The following PAK3 variants were observed in gnomAD, a reference collection of about 807,000 sequenced individuals.
The protein encoded by PAK3 is serine/threonine-protein kinase PAK 3.
Under a neutral mutation model 41.0 loss-of-function variants are expected in PAK3, and 4 were observed. That is an observed-to-expected ratio of 0.10 (90% CI 0.05 to 0.22). PAK3 has a LOEUF of 0.22. Among genes scored for constraint, PAK3 ranks in the 10% least tolerant of loss-of-function variants. PAK3 has a pLI of 1.00. For missense variants in PAK3, 205 were observed against 409.9 expected, an observed-to-expected ratio of 0.50 and a Z score of 4.32; for synonymous variants, 146 against 139.6, an observed-to-expected ratio of 1.05 and a Z score of -0.32.
chrX:110,951,495 T>C (rs929829854), intron 1 of PAK3, among the ~76,000 whole-genome samples: 1 of 112,220 alleles, frequency 8.9e-6, no homozygotes, highest in African/African-American at 3.2e-5. Context: ...AATTGCTTTC[T>C]AAAATATTTC....
chrX:111,064,274 T>G (rs1462391653), intron 1 of PAK3, among the ~76,000 whole-genome samples: 1 of 111,920 alleles, frequency 8.9e-6, no homozygotes, highest in African/African-American at 3.2e-5. Flanking sequence ...ATTTATTTAC[T>G]TATTTTTTAT....
At chrX:111,166,445 G>T (rs1603339227) in intron 10 of PAK3, among the ~76,000 whole-genome samples, 1 of 111,015 alleles carries the variant, frequency 9.0e-6, no homozygotes, top group East Asian at 2.9e-4. Context: ...AATTTTAGGT[G>T]TGCGCCACCA....
chrX:111,055,226 C>G (rs6655135), intron 1 of PAK3, among the ~76,000 whole-genome samples: 5,201 of 111,920 alleles, frequency 0.046, 292 homozygotes, highest in African/African-American at 0.16. Flanking sequence ...TCCTGCACAC[C>G]ATGAGGAAGG....
intron 1 of PAK3, among the ~76,000 whole-genome samples, chrX:111,046,991 T>C (rs1300515443): frequency 9.0e-6 from 1 of 111,267 alleles, no homozygotes; most frequent in Non-Finnish European, 1.9e-5. Flanking sequence ...TATAAGGAGG[T>C]GGGAGCTCAG....
intron 17 of PAK3, among the ~76,000 whole-genome samples, chrX:111,218,197 A>G (rs2149402462): frequency 8.9e-6 from 1 of 111,977 alleles, no homozygotes; most frequent in Non-Finnish European, 1.9e-5. Flanking sequence ...ACAGGTCTTC[A>G]ATATTTGTGT....
chrX:110,963,635 G>A (rs992224314), intron 1 of PAK3, among the ~76,000 whole-genome samples: 1 of 112,373 alleles, frequency 8.9e-6, no homozygotes, highest in African/African-American at 3.2e-5. Context: ...TAAAACTGCT[G>A]TTAAGTAAAA....
intron 1 of PAK3, among the ~76,000 whole-genome samples, chrX:111,061,598 T>C (rs1397199639): frequency 8.9e-6 from 1 of 111,890 alleles, no homozygotes; most frequent in African/African-American, 3.2e-5. Context: ...ACATAATGAG[T>C]CTTCCATCCA....
intron 1 of PAK3, among the ~76,000 whole-genome samples, chrX:110,974,014 C>G (rs776058902): frequency 1.1e-3 from 118 of 112,135 alleles, no homozygotes; most frequent in Non-Finnish European, 2.0e-3. Flanking sequence ...GAAGAGCTAA[C>G]TATCCTAAAT....
chrX:110,948,592 C>T (rs2090671744), intron 1 of PAK3, among the ~76,000 whole-genome samples: 1 of 111,724 alleles, frequency 9.0e-6, no homozygotes, highest in East Asian at 2.8e-4. Context: ...ACCTTTTTTT[C>T]TTTACAAACT....
chrX:111,210,581 A>G (rs896382217), intron 16 of PAK3, among the ~76,000 whole-genome samples: 8 of 112,001 alleles, frequency 7.1e-5, no homozygotes, highest in African/African-American at 2.6e-4. Flanking sequence ...ATACTTATGT[A>G]TATAAGTCTG....
At chrX:110,952,257 G>A (rs975168219) in intron 1 of PAK3, among the ~76,000 whole-genome samples, 2 of 111,898 alleles carry the variant, frequency 1.8e-5, no homozygotes, top group Non-Finnish European at 3.8e-5. Flanking sequence ...GGAAGTCTGA[G>A]TGGTAGTTTA....
Position 111,056,514 on chromosome X carries a change from C to T in PAK3, c.-27-66563C>T, listed in dbSNP as rs1569290838. On this transcript the variant is annotated intron_variant, in intron 1 of 14. Coordinates refer to the PAK3 transcript ENST00000425146. ...GAACCCATTTCTGCCCAATTCTCTCCTTTTATCACATTCCTTAAGACCTTT... is the reference window on the plus strand; with the variant it reads ...GAACCCATTTCTGCCCAATTCTCTCTTTTTATCACATTCCTTAAGACCTTT... 2.7e-5 allele frequency among the ~76,000 whole-genome samples: 3 copies of T among 112,051 alleles called. No homozygotes were observed. In the Admixed American group the frequency reaches 2.8e-4, roughly 11 times the overall value.
intron 1 of PAK3, among the ~76,000 whole-genome samples, chrX:111,036,754 C>T (rs1375756336): frequency 9.0e-6 from 1 of 111,466 alleles, no homozygotes; most frequent in Non-Finnish European, 1.9e-5. Context: ...TCCTTGCCAT[C>T]ATTTAGTCCC....
chrX:111,025,777 TC>T (rs1364152153), intron 1 of PAK3, among the ~76,000 whole-genome samples: 2 of 107,191 alleles, frequency 1.9e-5, no homozygotes, highest in Non-Finnish European at 3.9e-5. Flanking sequence ...GAGGGAATCC[TC>T]CCTAAATCAT....
chrX:110,993,812 A>G (rs1490647121), intron 1 of PAK3, among the ~76,000 whole-genome samples: 2 of 111,857 alleles, frequency 1.8e-5, no homozygotes, highest in Non-Finnish European at 3.8e-5. Context: ...AACAGCATAC[A>G]TAAGTATACA....
chrX:111,016,763 G>A lies in PAK3; in HGVS notation c.-28+72135G>A, dbSNP rs754056390. Among the ~76,000 whole-genome samples, 518 of 101,155 alleles carry A rather than the reference G, an allele frequency of 5.1e-3. 7 individuals are homozygous for A. Among genetic ancestry groups the A allele is most frequent in the African/African-American group, 0.018 (492 of 27,692 alleles). The allele number at this position is 101,155 out of a possible 115,157, so 87.8% of individuals were successfully genotyped here. A position where few individuals can be genotyped will look rare whatever the true frequency, so the allele number is the denominator to read the frequency against. On this transcript the variant is annotated intron_variant, in intron 1 of 14. Coordinates refer to the PAK3 transcript ENST00000425146. ...GGAAGGAAGGAAGGGAGAGAGGGAG[G>A]GAGGGAGGGAGGGGAGAAGAAGAGA...
chrX:111,153,584 A>G (rs983302071), intron 8 of PAK3, among the ~76,000 whole-genome samples: 6 of 111,937 alleles, frequency 5.4e-5, no homozygotes, highest in African/African-American at 1.9e-4. Flanking sequence ...TTATTCAAAC[A>G]GTCATGGATG....
chrX:111,036,340 G>T (rs188531123), intron 1 of PAK3, among the ~76,000 whole-genome samples: 48 of 112,437 alleles, frequency 4.3e-4, no homozygotes, highest in Admixed American at 7.5e-4. Context: ...TTCTCGTGCT[G>T]CTATGAAGAA....
At chrX:111,035,975 G>A (rs1171734300) in intron 1 of PAK3, among the ~76,000 whole-genome samples, 5 of 112,362 alleles carry the variant, frequency 4.4e-5, no homozygotes, top group Admixed American at 1.9e-4. Flanking sequence ...AAGCTAAACG[G>A]CCAGTCAATG....
Sources: allele counts gnomAD v4.1 joint callset (sites outside exome capture counted in the v4.1 genomes callset), GRCh38; gene constraint gnomAD v4.1.1; transcripts MANE v1.5; gene names NCBI Gene and HGNC (gene_info 2026-07-23, HGNC 2026-07-21).